The following CUL5 variants were observed in gnomAD, a reference collection of about 807,000 sequenced individuals.
The protein encoded by CUL5 is cullin-5.
In CUL5, 26 loss-of-function variants were observed where a neutral mutation model predicts 108.8. That is an observed-to-expected ratio of 0.24 (90% confidence interval 0.18 to 0.33). The LOEUF (loss-of-function observed/expected upper bound fraction) is 0.33, where lower values mean the gene tolerates loss of function less well. Ranked by LOEUF, CUL5 falls within the 10% of genes least tolerant of loss-of-function variation. The probability of loss-of-function intolerance (pLI) is 1.00; values close to 1 mark genes in which losing one functional copy is unlikely to be tolerated. For missense variants in CUL5, 524 were observed against 909.2 expected (o/e 0.58, Z 5.45); for synonymous variants, 334 against 298.0 (o/e 1.12, Z -1.25).
At chr11:108,081,751 C>A (rs76420504) in intron 11 of CUL5, among the ~76,000 whole-genome samples, 1 of 152,084 alleles carries the variant, frequency 6.6e-6, no homozygotes, top group Non-Finnish European at 1.5e-5. Context: ...GTCTCCGTCT[C>A]AAGAAAAAAA....
At chr11:108,091,732 CG>C (rs1370056998) in intron 13 of CUL5, among the ~76,000 whole-genome samples, 1 of 149,800 alleles carries the variant, frequency 6.7e-6, no homozygotes, top group African/African-American at 2.5e-5. Context: ...CACACACACA[CG>C]ACAAATAATT....
rs1864749921 is a variant in CUL5, at chr11:108,104,706, C to T, written c.*322C>T. 1 of 181,610 alleles carries T rather than the reference C, an allele frequency of 5.5e-6. No homozygotes were observed. Among genetic ancestry groups the T allele is most frequent in the Non-Finnish European group, 1.1e-5 (1 of 87,608 alleles). 11.2% of individuals were successfully genotyped at this position (181,610 alleles called of 1,614,324 possible). On this transcript the variant is annotated 3_prime_UTR_variant, in exon 19 of 19. Transcript: ENST00000393094. The stretch of plus-strand genomic sequence containing the variant: ...AGTTGGGAAGGGTGAGGGTGGGGTT[C>T]TTGTTGCTTTTTTCTCTTTTTTCCT...
chr11:108,068,149 C>T lies in CUL5; in HGVS notation c.781-1947C>T, dbSNP rs145286512. Among the ~76,000 whole-genome samples the T allele has an allele frequency of 2.2e-4, 34 of 152,170 alleles. 1 individual carries two copies. Among genetic ancestry groups the T allele is most frequent in the African/African-American group, 7.0e-4 (29 of 41,510 alleles). On this transcript the variant is annotated intron_variant, in intron 7 of 18. Transcript: ENST00000393094. ...GTCAGGCTGGTCTTGAACTCCTGAC[C>T]TCAGGTGATCCGCCCGCCTTAGCCT... is the stretch of plus-strand genomic sequence containing the variant.
In CUL5 at chr11:108,009,256, TGG is replaced by T. The variant is rs1861995576; in HGVS notation, c.-91_-90del. ...CACCCTGGTGCGGGCCGACGGGCCC[TGG>T]GCCCTGGTGGGAGCTCCGGCCTCCG... On this transcript the variant is annotated 5_prime_UTR_variant, in exon 1 of 19. It introduces an in-frame stop codon into an upstream open reading frame of the 5' UTR. Coordinates refer to ENST00000393094, the MANE Select transcript of CUL5 (RefSeq NM_003478.6). 13 of 1,432,752 alleles carry T rather than the reference TGG, an allele frequency of 9.1e-6. No homozygotes were observed. In the South Asian group the frequency reaches 1.4e-4, roughly 15 times the overall value. 88.8% of individuals were successfully genotyped at this position (1,432,752 alleles called of 1,614,324 possible). A position where few individuals can be genotyped will look rare whatever the true frequency, so the allele number is the denominator to read the frequency against.
At chr11:108,057,835 T>C (rs1863425055) in intron 7 of CUL5, among the ~76,000 whole-genome samples, 1 of 152,214 alleles carries the variant, frequency 6.6e-6, no homozygotes, top group Admixed American at 6.5e-5. Flanking sequence ...ACTATAGTTA[T>C]GTAAGATGTT....
At chr11:108,025,568 A>C (rs1387388734) in intron 1 of CUL5, among the ~76,000 whole-genome samples, 1 of 152,162 alleles carries the variant, frequency 6.6e-6, no homozygotes, top group South Asian at 2.1e-4. Context: ...GACTCTACCC[A>C]ATGCCTGGCA....
chr11:108,084,543 A>G (rs1225818859), intron 11 of CUL5, among the ~76,000 whole-genome samples: 2 of 152,226 alleles, frequency 1.3e-5, no homozygotes, highest in African/African-American at 4.8e-5. Flanking sequence ...ATAGCAAAGG[A>G]TGAACCCATT....
intron 7 of CUL5, among the ~76,000 whole-genome samples, chr11:108,061,415 GA>G (rs1476586485): frequency 6.6e-6 from 1 of 152,036 alleles, no homozygotes; most frequent in Non-Finnish European, 1.5e-5. Context: ...TTTTCTGGAG[GA>G]TTTTTTAATA....
chr11:108,037,344 A>G (rs542029947), intron 2 of CUL5, among the ~76,000 whole-genome samples: 23 of 152,316 alleles, frequency 1.5e-4, no homozygotes, highest in South Asian at 6.2e-4. Context: ...AATGTTTGTC[A>G]TCCTACTGCT....
At chr11:108,101,228 G>A (rs917567874) in intron 18 of CUL5, among the ~76,000 whole-genome samples, 1 of 152,192 alleles carries the variant, frequency 6.6e-6, no homozygotes, top group African/African-American at 2.4e-5. Context: ...TGCATAGGTG[G>A]CATCTGGATA....
intron 8 of CUL5, 83 bp downstream of exon 8, chr11:108,070,272 T>C (rs145345859): frequency 4.0e-5 from 39 of 980,040 alleles, no homozygotes; most frequent in African/African-American, 3.4e-4. Flanking sequence ...TGCTCTTAGT[T>C]AATTCTTTTC....
chr11:108,073,966 C>A lies in CUL5; in HGVS notation c.1113+469C>A, dbSNP rs13377275. ...CCCAGGGAAGCATTTGTATTGCATA[C>A]CATCTTTTTCCATCCTCACTAGTAT... On this transcript the variant is annotated intron_variant, in intron 10 of 18. Coordinates refer to ENST00000393094, the MANE Select transcript of CUL5 (RefSeq NM_003478.6). 9.2e-3 allele frequency: 1,401 copies of A among 152,926 alleles called. 20 individuals are homozygous for A. Among genetic ancestry groups the A allele is most frequent in the African/African-American group, 0.031 (1,306 of 41,520 alleles). The allele number at this position is 152,926 out of a possible 1,614,324, so 9.5% of individuals were successfully genotyped here. A position where few individuals can be genotyped will look rare whatever the true frequency, so the allele number is the denominator to read the frequency against.
intron 1 of CUL5, among the ~76,000 whole-genome samples, chr11:108,020,698 C>T (rs1470093281): frequency 6.6e-6 from 1 of 151,430 alleles, no homozygotes. Flanking sequence ...TTGTGTTTCA[C>T]GATAAGTGTT....
At chr11:108,091,695 T>TCACACACACACACACACACACACACACA (rs71303233) in intron 13 of CUL5, among the ~76,000 whole-genome samples, 1 of 138,098 alleles carries the variant, frequency 7.2e-6, no homozygotes, top group Admixed American at 7.4e-5. Flanking sequence ...TCTCTCTCAC[T>TCACACACACACACACACACACACACACA]CACACACACA....
In CUL5 at chr11:108,009,258, G is replaced by C; in HGVS notation, c.-91G>C. Reference sequence around the variant, plus strand: ...CCCTGGTGCGGGCCGACGGGCCCTGGGCCCTGGTGGGAGCTCCGGCCTCCG... The same window carrying C: ...CCCTGGTGCGGGCCGACGGGCCCTGCGCCCTGGTGGGAGCTCCGGCCTCCG... On this transcript the variant is annotated 5_prime_UTR_variant, in exon 1 of 19. Transcript: ENST00000393094. The C allele has an allele frequency of 6.9e-7, 1 of 1,450,984 alleles. No individual in the cohort carries two copies. The highest frequency in any genetic ancestry group is 9.6e-7 in the Non-Finnish European group (1 of 1,040,222). 89.9% of individuals were successfully genotyped at this position (1,450,984 alleles called of 1,614,324 possible).
At position 108,105,150 on chromosome 11, in the gene CUL5, A is replaced by G. The variant is rs1228815012; in HGVS notation, c.*766A>G. The G allele has an allele frequency of 1.3e-5, 2 of 152,210 alleles. No individual in the cohort carries two copies. The highest frequency in any genetic ancestry group is 4.8e-5 in the African/African-American group (2 of 41,422). The allele number at this position is 152,210 out of a possible 1,614,324, so 9.4% of individuals were successfully genotyped here. A position where few individuals can be genotyped will look rare whatever the true frequency, so the allele number is the denominator to read the frequency against. ...AATTGTTGCTTCAATAGTTTAAAAA[A>G]TTTATGGAGATAGGTAGGTCATTAT... is the stretch of plus-strand genomic sequence containing the variant. On this transcript the variant is annotated 3_prime_UTR_variant, in exon 19 of 19. Transcript: ENST00000393094.
intron 1 of CUL5, among the ~76,000 whole-genome samples, chr11:108,033,172 C>T (rs561627039): frequency 7.2e-5 from 11 of 152,278 alleles, no homozygotes; most frequent in African/African-American, 2.6e-4. Context: ...TTATCTTGCC[C>T]TCTCCCCATG....
At chr11:108,077,533 G>A (rs1244895275) in intron 10 of CUL5, among the ~76,000 whole-genome samples, 1 of 151,902 alleles carries the variant, frequency 6.6e-6, no homozygotes, top group East Asian at 1.9e-4. Flanking sequence ...AGGAGGCTGA[G>A]GCAGGAGAAT....
rs911830942 is a variant in CUL5 at position 108,068,745 on chromosome 11, C to T, written c.781-1351C>T. On this transcript the variant is annotated intron_variant, in intron 7 of 18. Coordinates refer to ENST00000393094, the MANE Select transcript of CUL5 (RefSeq NM_003478.6). The stretch of plus-strand genomic sequence containing the variant: ...AAAAGAGAAGTAAATAATTACATGA[C>T]ACGAGGGAGCAGAGATGACATGATA... 6.6e-5 allele frequency among the ~76,000 whole-genome samples: 10 copies of T among 152,184 alleles called. 1 individual carries two copies. The South Asian group carries it at 2.1e-3, about 32-fold the overall frequency.
Sources: gnomAD v4.1 joint callset for allele counts (sites outside exome capture counted in the v4.1 genomes callset) on GRCh38, gnomAD v4.1.1 for gene constraint, MANE v1.5 for transcripts, NCBI Gene and HGNC (gene_info 2026-07-23, HGNC 2026-07-21) for gene names.